TMEM132D: variants seen among roughly 807,000 people sequenced by gnomAD.
TMEM132D encodes mature OL transmembrane protein.
Under a neutral mutation model 62.3 loss-of-function variants are expected in TMEM132D, and 21 were observed. The ratio of observed to expected loss-of-function variants is 0.34; its 90% CI spans 0.24 to 0.49. The LOEUF is 0.49. Among genes scored for constraint, TMEM132D ranks in the 20% least tolerant of loss-of-function variants. The pLI is 0.99. For missense variants in TMEM132D, 1,346 were observed against 1,402.8 expected, an observed-to-expected ratio of 0.96 and a Z score of 0.65; for synonymous variants, 621 against 575.6, an observed-to-expected ratio of 1.08 and a Z score of -1.13.
intron 3 of TMEM132D, among the ~76,000 whole-genome samples, chr12:129,412,957 G>A (rs555126962): frequency 3.3e-5 from 5 of 152,310 alleles, no homozygotes; most frequent in East Asian, 1.9e-4. Flanking sequence ...TCATGTGCCC[G>A]TTCTGAGCAG....
At chr12:129,543,312 AGATGGATGGATG>A (rs1215351562) in intron 2 of TMEM132D, among the ~76,000 whole-genome samples, 4 of 125,082 alleles carry the variant, frequency 3.2e-5, no homozygotes, top group South Asian at 2.6e-4. Flanking sequence ...GTGGATGGAT[AGATGGATGGATG>A]GATGGATGGA....
At chr12:129,554,579 C>T (rs1876999120) in intron 2 of TMEM132D, among the ~76,000 whole-genome samples, 1 of 152,158 alleles carries the variant, frequency 6.6e-6, no homozygotes, top group Admixed American at 6.5e-5. Context: ...CTTCTTTAGA[C>T]AACCCTCTCT....
intron 3 of TMEM132D, among the ~76,000 whole-genome samples, chr12:129,351,300 G>A (rs1328851366): frequency 1.3e-5 from 2 of 152,116 alleles, no homozygotes; most frequent in Admixed American, 6.6e-5. Flanking sequence ...TGACAAAAAC[G>A]GGCATCTCAG....
Position 129,371,437 on chromosome 12 carries a change from T to C in TMEM132D, c.1116-33620A>G, listed in dbSNP as rs1307895069. On this transcript the variant is annotated intron_variant, in intron 3 of 8. Transcript: ENST00000422113. This position sits in a 1 kb window ranked among gnomAD's most constrained non-coding sequence, Gnocchi z 4.3. ...ATGATGGTGATAATGGAGATGATGA[T>C]GATGTGATATTGATGATGGTGGTAA... Among the ~76,000 whole-genome samples, 1 of 151,540 alleles carries C rather than the reference T, an allele frequency of 6.6e-6. No individual in the cohort carries two copies. Among genetic ancestry groups the C allele is most frequent in the Non-Finnish European group, 1.5e-5 (1 of 67,900 alleles).
At chr12:129,542,414 G>T (rs991686173) in intron 2 of TMEM132D, among the ~76,000 whole-genome samples, 7 of 152,114 alleles carry the variant, frequency 4.6e-5, no homozygotes, top group African/African-American at 1.4e-4. Flanking sequence ...CGGAACTATG[G>T]TTAATAAACG....
chr12:129,428,930 A>G (rs1872572046), intron 3 of TMEM132D, among the ~76,000 whole-genome samples: 1 of 152,256 alleles, frequency 6.6e-6, no homozygotes, highest in South Asian at 2.1e-4. Flanking sequence ...GTAAATGAGG[A>G]AGTGTGAATT....
intron 4 of TMEM132D, among the ~76,000 whole-genome samples, chr12:129,298,683 C>T (rs1272310705): frequency 6.6e-6 from 1 of 152,146 alleles, no homozygotes. Context: ...TGTAATACAA[C>T]TCTTTTTATC....
chr12:129,582,117 G>T (rs1877881749), intron 2 of TMEM132D, among the ~76,000 whole-genome samples: 1 of 152,188 alleles, frequency 6.6e-6, no homozygotes, highest in Non-Finnish European at 1.5e-5. Flanking sequence ...AAACACGTCT[G>T]CTTTTTACAT....
chr12:129,572,125 C>T (rs1877530120), intron 2 of TMEM132D, among the ~76,000 whole-genome samples: 2 of 152,218 alleles, frequency 1.3e-5, no homozygotes, highest in Admixed American at 1.3e-4. Flanking sequence ...CCTCACTGCC[C>T]CTTCCCGACA....
At chr12:129,227,220 G>T (rs1204555361) in intron 4 of TMEM132D, among the ~76,000 whole-genome samples, 7 of 145,760 alleles carry the variant, frequency 4.8e-5, no homozygotes, top group African/African-American at 1.7e-4. Flanking sequence ...TATGTTAACT[G>T]CTACAGAAGA....
intron 2 of TMEM132D, among the ~76,000 whole-genome samples, chr12:129,545,930 A>G (rs1304633060): frequency 1.7e-4 from 26 of 152,150 alleles, no homozygotes; most frequent in Admixed American, 1.7e-3. Flanking sequence ...GAGGAGGAAC[A>G]TGGTCTACAT....
At chr12:129,504,925 C>T (rs1424653981) in intron 3 of TMEM132D, among the ~76,000 whole-genome samples, 1 of 152,128 alleles carries the variant, frequency 6.6e-6, no homozygotes, top group Admixed American at 6.5e-5. Context: ...TACTGTCGTT[C>T]AGTTCAAATA....
intron 4 of TMEM132D, among the ~76,000 whole-genome samples, chr12:129,270,118 C>T (rs565138813): frequency 2.0e-5 from 3 of 152,216 alleles, no homozygotes; most frequent in South Asian, 2.1e-4. Flanking sequence ...ATTCCTTCCT[C>T]GGTTCCAGTG....
At position 129,797,449 on chromosome 12, in the gene TMEM132D, G is replaced by A. The variant is rs35671801; in HGVS notation, c.80-96751C>T. On this transcript the variant is annotated intron_variant, in intron 1 of 8. Coordinates refer to ENST00000422113, the MANE Select transcript of TMEM132D (RefSeq NM_133448.3). The stretch of plus-strand genomic sequence containing the variant: ...AGCATGCAGTTTGCAGGGACCTGCC[G>A]GGCTCAGCCTTCCCACAGAGGTCAC... 7.2e-3 allele frequency among the ~76,000 whole-genome samples: 1,101 copies of A among 152,282 alleles called. 15 individuals carry two copies. Among genetic ancestry groups the A allele is most frequent in the African/African-American group, 0.025 (1,057 of 41,550 alleles).
intron 1 of TMEM132D, among the ~76,000 whole-genome samples, chr12:129,865,477 C>T (rs940565553): frequency 4.6e-5 from 7 of 152,242 alleles, no homozygotes; most frequent in African/African-American, 1.2e-4. Context: ...GAGCTCATCA[C>T]GGAGCCTGCA....
chr12:129,542,459 AT>A (rs10706099), intron 2 of TMEM132D, among the ~76,000 whole-genome samples: 29,498 of 152,042 alleles, frequency 0.19, 3,115 homozygotes, highest in Non-Finnish European at 0.23. Flanking sequence ...GAGGTTGTTA[AT>A]TTTTTTATTA....
At chr12:129,835,909 C>G (rs1443603353) in intron 1 of TMEM132D, among the ~76,000 whole-genome samples, 1 of 152,188 alleles carries the variant, frequency 6.6e-6, no homozygotes, top group Non-Finnish European at 1.5e-5. Flanking sequence ...GGTGTGGAGC[C>G]CTCCTGGGCC....
intron 3 of TMEM132D, among the ~76,000 whole-genome samples, chr12:129,518,751 T>A (rs190326169): frequency 2.2e-4 from 34 of 152,276 alleles, no homozygotes; most frequent in Admixed American, 5.2e-4. Context: ...ATTTTGCTTG[T>A]GAAACTGCTA....
intron 1 of TMEM132D, among the ~76,000 whole-genome samples, chr12:129,811,070 T>G (rs1208086212): frequency 6.6e-6 from 1 of 151,900 alleles, no homozygotes; most frequent in Non-Finnish European, 1.5e-5. Flanking sequence ...AAAGATTCCA[T>G]TTTAATATTC....
Sources: allele counts gnomAD v4.1 joint callset (sites outside exome capture counted in the v4.1 genomes callset), GRCh38; gene constraint gnomAD v4.1.1; non-coding constraint Gnocchi (gnomAD v3.1); transcripts MANE v1.5; gene names NCBI Gene and HGNC (gene_info 2026-07-23, HGNC 2026-07-21).